PTCD3: variants seen among roughly 807,000 people sequenced by gnomAD.
PTCD3 encodes the protein pentatricopeptide repeat domain 3, also known as small ribosomal subunit protein mS39.
Under a neutral mutation model 101.9 loss-of-function variants are expected in PTCD3, and 89 were observed. The observed-to-expected ratio is 0.87, with a 90% CI of 0.74 to 1.04. The LOEUF (loss-of-function observed/expected upper bound fraction) is 1.04. Ranked by LOEUF, PTCD3 falls within the 50% of genes least tolerant of loss-of-function variation. PTCD3 has a pLI of 0.00. For synonymous variants in PTCD3, 296 were observed against 278.5 expected, an observed-to-expected ratio of 1.06 and a Z score of -0.63; for missense variants, 870 against 828.2, an observed-to-expected ratio of 1.05 and a Z score of -0.62.
Position 86,134,952 on chromosome 2 carries a change from C to CCT in PTCD3, c.1746_1747dup (p.Phe583SerfsTer3), listed in dbSNP as rs1573859565. 11 of 1,614,134 alleles carry CCT rather than the reference C, an allele frequency of 6.8e-6. No individual in the cohort carries two copies. In the East Asian group the frequency reaches 2.5e-4, roughly 36 times the overall value. ...CCACCTCTCTCAACTGTATAGCTAT[C>CCT]CTCTTTTTAAGGGCTGGGAGAACTC... On this transcript the variant is annotated frameshift_variant, in exon 21 of 24. Coordinates refer to ENST00000254630, the MANE Select transcript of PTCD3 (RefSeq NM_017952.6). LOFTEE classifies it high-confidence loss of function.
At chr2:86,130,170 G>A (rs1056615253) in intron 14 of PTCD3, among the ~76,000 whole-genome samples, 1 of 152,086 alleles carries the variant, frequency 6.6e-6, no homozygotes, top group African/African-American at 2.4e-5. Flanking sequence ...GCGTGGTGGC[G>A]AGGGCGTTAG....
chr2:86,130,770 C>A (rs1674481888), intron 15 of PTCD3, 33 bp downstream of exon 15: 5 of 1,608,820 alleles, frequency 3.1e-6, no homozygotes, highest in South Asian at 1.1e-5. Flanking sequence ...TTTTCCTCCT[C>A]TAAAGACAGA....
Position 86,108,500 on chromosome 2 carries a change from G to A in PTCD3, c.158G>A (p.Gly53Glu). The A allele has an allele frequency of 6.3e-7, 1 of 1,594,776 alleles. No homozygotes were observed. Among genetic ancestry groups the A allele is most frequent in the Admixed American group, 1.8e-5 (1 of 55,246 alleles). Reference sequence around the variant, plus strand: ...ATTCATGTTTTCTTTTTTACATTAGGGATTGAAGAAGTAGTAATTCCAAAA... The same window carrying A: ...ATTCATGTTTTCTTTTTTACATTAGAGATTGAAGAAGTAGTAATTCCAAAA... ...LSKVEGTDVTGIEEVVIPKKK... is the reference protein window; with the variant it reads ...LSKVEGTDVTEIEEVVIPKKK... Residue 53 changes from glycine to glutamate, a missense_variant and splice_region_variant, in exon 3 of 24, where the codon GGG (glycine) becomes GAG (glutamate). Gly to Glu is a moderately conservative substitution (Grantham distance 98). Transcript: ENST00000254630.
intron 19 of PTCD3, 26 bp downstream of exon 19, chr2:86,133,462 G>C: frequency 1.3e-6 from 2 of 1,555,898 alleles, no homozygotes; most frequent in Non-Finnish European, 1.8e-6. Flanking sequence ...TATGTGTCCA[G>C]GTGCATCTCA....
chr2:86,122,774 G>A (rs1485086909), intron 8 of PTCD3, among the ~76,000 whole-genome samples: 1 of 152,202 alleles, frequency 6.6e-6, no homozygotes, highest in Non-Finnish European at 1.5e-5. Context: ...GTAGGTTGCA[G>A]TTAAACCTTG....
rs1475713992 is a variant in PTCD3 at position 86,137,695 on chromosome 2, C to T, written c.*136C>T. Reference sequence around the variant, plus strand: ...TTGGTGAATTTGTTACTGTGAGGTACAGTCAGTACACAGCTGACTTATGTA... The same window carrying T: ...TTGGTGAATTTGTTACTGTGAGGTATAGTCAGTACACAGCTGACTTATGTA... On this transcript the variant is annotated 3_prime_UTR_variant, in exon 24 of 24. Transcript: ENST00000254630. The T allele has an allele frequency of 7.8e-7, 1 of 1,287,152 alleles. No individual in the cohort carries two copies. Among genetic ancestry groups the T allele is most frequent in the Non-Finnish European group, 1.1e-6 (1 of 934,524 alleles). 79.7% of individuals were successfully genotyped at this position (1,287,152 alleles called of 1,614,324 possible).
chr2:86,108,427 C>T, intron 2 of PTCD3, 25 bp downstream of exon 2: 2 of 1,595,038 alleles, frequency 1.3e-6, no homozygotes, highest in Non-Finnish European at 1.7e-6. Flanking sequence ...ATATTGAATT[C>T]TATTTTTATA....
In PTCD3 at chr2:86,125,484, G is replaced by C; in HGVS notation, c.834G>C (p.Leu278Phe). The change falls in exon 11 of 24, where the codon TTG (leucine) becomes TTC (phenylalanine). Residue 278 changes from leucine to phenylalanine, a missense_variant. Physicochemically the swap from Leu to Phe is conservative, Grantham distance 22 (BLOSUM62 0). Coordinates refer to ENST00000254630, the MANE Select transcript of PTCD3 (RefSeq NM_017952.6). Reference sequence around the variant, plus strand: ...GAGCTTATGAGCAGGCATTAAACTTGTACACTGAGTTACTAAACAACAGAC... The same window carrying C: ...GAGCTTATGAGCAGGCATTAAACTTCTACACTGAGTTACTAAACAACAGAC... ...KHRAYEQALN[L>F]YTELLNNRLH... 6.2e-7 allele frequency: 1 copy of C among 1,613,124 alleles called. No individual in the cohort carries two copies. The highest frequency in any genetic ancestry group is 1.1e-5 in the South Asian group (1 of 91,070).
chr2:86,125,952 AG>A, intron 12 of PTCD3, 72 bp downstream of exon 12: 1 of 1,133,544 alleles, frequency 8.8e-7, no homozygotes, highest in South Asian at 1.4e-5. Context: ...TGGGCTGGCC[AG>A]GTGTGGTGGC....
Position 86,127,207 on chromosome 2 carries a change from A to G in PTCD3, c.998A>G (p.Gln333Arg). 2 of 1,613,802 alleles carry G rather than the reference A, an allele frequency of 1.2e-6. No individual in the cohort carries two copies. The highest frequency in any genetic ancestry group is 2.2e-5 in the South Asian group (2 of 91,064). ...MVAQKVKPNL[Q>R]TFNTILKCLR... ...GCACAGAAGGTGAAACCAAATCTTC[A>G]GACTTTTAATACCATTCTGAAATGT... is the stretch of plus-strand genomic sequence containing the variant. Residue 333 changes from glutamine (Q) to arginine (R), a missense_variant, in exon 13 of 24, where the codon CAG (glutamine) becomes CGG (arginine). Transcript: ENST00000254630.
At chr2:86,117,268 ATGATAAGCC>A (rs1674193116) in intron 6 of PTCD3, 109 bp downstream of exon 6, 2 of 546,768 alleles carry the variant, frequency 3.7e-6, no homozygotes, top group Non-Finnish European at 6.6e-6. Context: ...CAATATTTGG[ATGATAAGCC>A]TTTTAAAGTG....
chr2:86,115,247 AT>A (rs1396997969), intron 4 of PTCD3, among the ~76,000 whole-genome samples: 2 of 152,190 alleles, frequency 1.3e-5, no homozygotes, highest in Non-Finnish European at 2.9e-5. Context: ...TCTGCAAAAT[AT>A]CAAAATTTTA....
intron 4 of PTCD3, among the ~76,000 whole-genome samples, chr2:86,112,660 T>G (rs1674110531): frequency 1.6e-5 from 2 of 128,530 alleles, no homozygotes; most frequent in South Asian, 2.4e-4. Context: ...CCAGCCTGGG[T>G]GAGTTAGTGA....
chr2:86,129,597 G>C (rs1035377764), intron 14 of PTCD3, among the ~76,000 whole-genome samples: 30 of 152,150 alleles, frequency 2.0e-4, no homozygotes, highest in African/African-American at 7.2e-4. Flanking sequence ...AGCTGCGTTT[G>C]CCCCACTGCA....
Position 86,127,158 on chromosome 2 carries a change from T to A in PTCD3, c.952-3T>A. On this transcript the variant is annotated splice_region_variant and splice_polypyrimidine_tract_variant and intron_variant, in intron 12 of 23. Transcript: ENST00000254630. ...AGATACTTCTTGTTTTTTATTCACC[T>A]AGGAGCTGCTAAGACACATGGTTGC... 6.2e-7 allele frequency: 1 copy of A among 1,609,476 alleles called. No individual in the cohort carries two copies. Among genetic ancestry groups the A allele is most frequent in the Non-Finnish European group, 8.5e-7 (1 of 1,177,986 alleles).
At chr2:86,123,893 A>G (rs1674337910) in intron 9 of PTCD3, 131 bp downstream of exon 9, 2 of 615,500 alleles carry the variant, frequency 3.2e-6, no homozygotes, top group Non-Finnish European at 5.1e-6. Context: ...TATAAATTTC[A>G]CTATTTGTAT....
intron 4 of PTCD3, 75 bp downstream of exon 4, chr2:86,111,233 AT>A: frequency 1.6e-6 from 2 of 1,214,086 alleles, no homozygotes; most frequent in East Asian, 4.7e-5. Flanking sequence ...CTAATAACAC[AT>A]TTAATACTCA....
Position 86,106,280 on chromosome 2 carries a change from C to T in PTCD3, c.33C>T (p.Gly11=), listed in dbSNP as rs372906219. ...TTGTATCTGCTGTTCGCTGGCTGGG[C>T]CTCCGCAGCAGGCTTGGCCAGCCGC... The part of the protein sequence containing the change: MAVVSAVRWL[G]LRSRLGQPLT... Residue 11 remains glycine, a synonymous_variant, in exon 1 of 24, where the codon GGC becomes GGT. Coordinates refer to ENST00000254630, the MANE Select transcript of PTCD3 (RefSeq NM_017952.6). 5 of 1,613,056 alleles carry T rather than the reference C, an allele frequency of 3.1e-6. No homozygotes were observed. The highest frequency in any genetic ancestry group is 4.5e-5 in the East Asian group (2 of 44,888).
chr2:86,124,880 ATGTATAGAAAGTACTTGGCACAT>A, intron 9 of PTCD3, 92 bp from the exon 10 acceptor site: 1 of 1,353,262 alleles, frequency 7.4e-7, no homozygotes, highest in Non-Finnish European at 9.8e-7. Context: ...AATTGAGATA[ATGTATAGAAAGTACTTGGCACAT>A]TGCCTAGAAC....
Sources: allele counts gnomAD v4.1 joint callset (sites outside exome capture counted in the v4.1 genomes callset), GRCh38; gene constraint gnomAD v4.1.1; transcripts MANE v1.5; gene names NCBI Gene and HGNC (gene_info 2026-07-23, HGNC 2026-07-21).